RUFY3: variants seen among roughly 807,000 people sequenced by gnomAD.
RUFY3 encodes the protein protein RUFY3.
In RUFY3, 34 loss-of-function variants were observed where a neutral mutation model predicts 84.0. That is an observed-to-expected ratio of 0.40 (90% confidence interval 0.31 to 0.54). The LOEUF is 0.54. RUFY3 is among the 20% of genes least tolerant of loss of function. The pLI is 0.39. For missense variants in RUFY3, 507 were observed against 736.8 expected (o/e 0.69, Z 3.61); for synonymous variants, 242 against 252.9 (o/e 0.96, Z 0.41).
rs781226852 is a variant in RUFY3, at chr4:70,731,139, A to T, written c.178+8388A>T. 2.8e-4 allele frequency among the ~76,000 whole-genome samples: 42 copies of T among 151,456 alleles called. 1 individual carries two copies. The highest frequency in any genetic ancestry group is 7.4e-5 in the Non-Finnish European group (5 of 67,822). On this transcript the variant is annotated intron_variant, in intron 1 of 17. Transcript: ENST00000381006. ...TGCAACCTCCGCCTCCTGGGTTCAA[A>T]CAATTCTCCTGCCTTAGGCTCCTGA...
chr4:70,763,752 G>C lies in RUFY3; in HGVS notation c.470+83G>C, dbSNP rs565078412. On this transcript the variant is annotated intron_variant, in intron 3 of 17. Coordinates refer to ENST00000381006, the MANE Select transcript of RUFY3 (RefSeq NM_001037442.4). Reference sequence around the variant, plus strand: ...GAAGAGCAAGACTAAAGACAATTATGTACGAATAATTTATTTTATAACAAT... The same window carrying C: ...GAAGAGCAAGACTAAAGACAATTATCTACGAATAATTTATTTTATAACAAT... 2.7e-6 allele frequency: 4 copies of C among 1,480,044 alleles called. No homozygotes were observed. The South Asian group carries it at 5.4e-5, about 20-fold the overall frequency. 91.7% of individuals were successfully genotyped at this position (1,480,044 alleles called of 1,614,324 possible). A position where few individuals can be genotyped will look rare whatever the true frequency, so the allele number is the denominator to read the frequency against.
chr4:70,705,071 G>GCCGCCGCCGGCCT lies in RUFY3; in HGVS notation c.138_150dup (p.Pro51AlafsTer76). On this transcript the variant is annotated frameshift_variant, in exon 1 of 12. Coordinates refer to the RUFY3 transcript ENST00000417478. LOFTEE classifies it high-confidence loss of function. The stretch of plus-strand genomic sequence containing the variant: ...GCACGGACCGAGAGGGCGAGGCGGG[G>GCCGCCGCCGGCCT]CCGCCGCCGGCCTCCCCCGCCGGGC... 7.7e-7 allele frequency: 1 copy of GCCGCCGCCGGCCT among 1,293,886 alleles called. No homozygotes were observed. The highest frequency in any genetic ancestry group is 1.6e-5 in the African/African-American group (1 of 64,494). 80.2% of individuals were successfully genotyped at this position (1,293,886 alleles called of 1,614,324 possible). A position where few individuals can be genotyped will look rare whatever the true frequency, so the allele number is the denominator to read the frequency against.
intron 1 of RUFY3, among the ~76,000 whole-genome samples, chr4:70,743,546 C>T (rs948203951): frequency 1.3e-5 from 2 of 152,006 alleles, no homozygotes; most frequent in Admixed American, 6.6e-5. Context: ...ATTAATAATG[C>T]AAGAGTCAAG....
intron 1 of RUFY3, among the ~76,000 whole-genome samples, chr4:70,725,290 T>A (rs1718042956): frequency 6.6e-6 from 1 of 152,174 alleles, no homozygotes; most frequent in Non-Finnish European, 1.5e-5. Flanking sequence ...TCAATGCTTA[T>A]TGGTGGTCAA....
In RUFY3 at chr4:70,791,317, G is replaced by A. The variant is rs112676106; in HGVS notation, c.1337+1725G>A. ...CATTAGGCATTTTTAAGTTGGTCAC[G>A]TCGCAAGTCCGATATCACAACTTAA... On this transcript the variant is annotated intron_variant, in intron 12 of 17. Coordinates refer to ENST00000381006, the MANE Select transcript of RUFY3 (RefSeq NM_001037442.4). 6.9e-4 allele frequency: 1,110 copies of A among 1,612,280 alleles called. 8 individuals carry two copies. The African/African-American group carries it at 0.013, about 18-fold the overall frequency.
At chr4:70,783,263 A>G in intron 9 of RUFY3, 80 bp downstream of exon 9, 1 of 854,138 alleles carries the variant, frequency 1.2e-6, no homozygotes, top group Non-Finnish European at 1.9e-6. Flanking sequence ...CTAAAGGACT[A>G]TTTTAAGCAG....
chr4:70,707,815 TG>T (rs1247929628), intron 1 of RUFY3, among the ~76,000 whole-genome samples: 1 of 152,230 alleles, frequency 6.6e-6, no homozygotes, highest in African/African-American at 2.4e-5. Context: ...TACATTTATA[TG>T]TGCTTTAGAA....
chr4:70,749,338 G>C (rs547872200), intron 1 of RUFY3, among the ~76,000 whole-genome samples: 1 of 152,012 alleles, frequency 6.6e-6, no homozygotes, highest in South Asian at 2.1e-4. Flanking sequence ...ATTATGATAT[G>C]GGAGCCCAAT....
At chr4:70,775,304 C>T (rs1727745945) in intron 7 of RUFY3, 71 bp downstream of exon 7, 2 of 1,031,960 alleles carry the variant, frequency 1.9e-6, no homozygotes, top group East Asian at 2.5e-5. Flanking sequence ...AGATGATGCG[C>T]AGTGAGGATA....
chr4:70,731,465 A>G (rs1719265267), intron 1 of RUFY3, among the ~76,000 whole-genome samples: 1 of 152,262 alleles, frequency 6.6e-6, no homozygotes, highest in African/African-American at 2.4e-5. Context: ...CCAAACAGCA[A>G]AAATAGTACA....
At position 70,767,525 on chromosome 4, in the gene RUFY3, A is replaced by G. The variant is rs116225703; in HGVS notation, c.573-1013A>G. On this transcript the variant is annotated intron_variant, in intron 4 of 17. Transcript: ENST00000381006. ...GAGTAAAACTGCTATAAACACATGT[A>G]TGCAGGTTTTTGTGTGGACGTAAGT... Among the ~76,000 whole-genome samples the G allele has an allele frequency of 7.2e-5, 11 of 152,040 alleles. No homozygotes were observed. In the East Asian group the frequency reaches 2.1e-3, roughly 29 times the overall value.
At chr4:70,709,560 A>G (rs1740731765) in intron 1 of RUFY3, among the ~76,000 whole-genome samples, 1 of 152,188 alleles carries the variant, frequency 6.6e-6, no homozygotes, top group Non-Finnish European at 1.5e-5. Context: ...ATGACCTTCC[A>G]TGCCAGTTTC....
chr4:70,749,308 C>G (rs771761572), intron 1 of RUFY3, among the ~76,000 whole-genome samples: 3 of 152,008 alleles, frequency 2.0e-5, no homozygotes, highest in Non-Finnish European at 2.9e-5. Context: ...GGGAAACTTT[C>G]CAAAACTAAA....
intron 1 of RUFY3, among the ~76,000 whole-genome samples, chr4:70,708,877 AC>A (rs1740653009): frequency 6.6e-6 from 1 of 152,054 alleles, no homozygotes; most frequent in South Asian, 2.1e-4. Flanking sequence ...CTCTGTCTCT[AC>A]AAAAAAAAAA....
intron 13 of RUFY3, among the ~76,000 whole-genome samples, chr4:70,794,219 A>G (rs1277743478): frequency 6.6e-6 from 1 of 152,210 alleles, no homozygotes; most frequent in Non-Finnish European, 1.5e-5. Flanking sequence ...GGCACTTCAC[A>G]TGCAAACTCT....
chr4:70,792,851 T>G, intron 12 of RUFY3: 2 of 985,414 alleles, frequency 2.0e-6, no homozygotes, highest in African/African-American at 3.5e-5. Flanking sequence ...TTGAACTTAT[T>G]TTAATTCTTA....
Position 70,807,900 on chromosome 4 carries a change from G to T in RUFY3, c.*1241G>T, listed in dbSNP as rs1178976001. Among the ~76,000 whole-genome samples, 1 of 152,168 alleles carries T rather than the reference G, an allele frequency of 6.6e-6. No individual in the cohort carries two copies. The highest frequency in any genetic ancestry group is 1.5e-5 in the Non-Finnish European group (1 of 68,034). ...TCTGAGTGAGTCACGAATGAGAGCTGATAGATGCTTTCTTGAAAAGGGCAA... is the reference window on the plus strand; with the variant it reads ...TCTGAGTGAGTCACGAATGAGAGCTTATAGATGCTTTCTTGAAAAGGGCAA... On this transcript the variant is annotated 3_prime_UTR_variant, in exon 18 of 18. Transcript: ENST00000381006.
intron 1 of RUFY3, among the ~76,000 whole-genome samples, chr4:70,743,690 T>C (rs1721695005): frequency 6.6e-6 from 1 of 151,872 alleles, no homozygotes; most frequent in Admixed American, 6.6e-5. Flanking sequence ...ATCCAGAAAA[T>C]GTTGATTATG....
chr4:70,773,614 C>G (rs768803085), intron 6 of RUFY3, 42 bp downstream of exon 6: 2 of 1,406,512 alleles, frequency 1.4e-6, no homozygotes, highest in Non-Finnish European at 2.0e-6. Context: ...CCTGATGTAG[C>G]ATTTTTTTTC....
Sources: allele counts gnomAD v4.1 joint callset (sites outside exome capture counted in the v4.1 genomes callset), GRCh38; gene constraint gnomAD v4.1.1; transcripts MANE v1.5; gene names NCBI Gene and HGNC (gene_info 2026-07-23, HGNC 2026-07-21).